The following SLCO6A1 variants were observed in gnomAD, a reference collection of about 807,000 sequenced individuals.
SLCO6A1 encodes solute carrier organic anion transporter family member 6A1.
A neutral mutation model predicts 72.7 loss-of-function variants in SLCO6A1; 65 were observed. The ratio of observed to expected loss-of-function variants is 0.89; its 90% CI spans 0.73 to 1.10. The LOEUF (loss-of-function observed/expected upper bound fraction) is 1.10. SLCO6A1 is among the 50% of genes least tolerant of loss of function. The probability of loss-of-function intolerance (pLI) is 0.00; values close to 1 mark genes in which losing one functional copy is unlikely to be tolerated. For missense variants in SLCO6A1, 874 were observed against 872.6 expected (o/e 1.00, Z -0.02); for synonymous variants, 314 against 298.2 (o/e 1.05, Z -0.55).
intron 6 of SLCO6A1, among the ~76,000 whole-genome samples, chr5:102,451,807 T>C (rs1161746188): frequency 6.6e-6 from 1 of 152,194 alleles, no homozygotes; most frequent in Non-Finnish European, 1.5e-5. Context: ...GATAAGCTAG[T>C]GTTTACTTGC....
At chr5:102,389,840 C>T (rs1746649119) in intron 11 of SLCO6A1, among the ~76,000 whole-genome samples, 1 of 95,440 alleles carries the variant, frequency 1.0e-5, no homozygotes, top group South Asian at 3.2e-4. Flanking sequence ...TTTTCCTCCA[C>T]ATTTATCTCC....
chr5:102,474,374 G>A (rs897245201), intron 4 of SLCO6A1, among the ~76,000 whole-genome samples: 18 of 152,010 alleles, frequency 1.2e-4, no homozygotes, highest in African/African-American at 4.1e-4. Context: ...ATATCCACAT[G>A]CAAAAGAATG....
chr5:102,433,886 C>T (rs997973839), intron 7 of SLCO6A1, among the ~76,000 whole-genome samples: 8 of 151,912 alleles, frequency 5.3e-5, no homozygotes, highest in South Asian at 2.1e-4. Flanking sequence ...TTTGAGTTGT[C>T]GTAGTTCTTG....
intron 6 of SLCO6A1, among the ~76,000 whole-genome samples, chr5:102,458,174 C>G (rs1363541993): frequency 6.6e-6 from 1 of 151,864 alleles, no homozygotes; most frequent in East Asian, 1.9e-4. Flanking sequence ...CTGGGTTCAG[C>G]ACACCAACAT....
intron 6 of SLCO6A1, among the ~76,000 whole-genome samples, chr5:102,456,617 G>A (rs1163680184): frequency 6.6e-6 from 1 of 152,166 alleles, no homozygotes; most frequent in African/African-American, 2.4e-5. Context: ...ACAAACAAAT[G>A]GAAGAACATT....
At chr5:102,474,630 A>C (rs1272962063) in intron 4 of SLCO6A1, among the ~76,000 whole-genome samples, 1 of 152,136 alleles carries the variant, frequency 6.6e-6, no homozygotes, top group Non-Finnish European at 1.5e-5. Context: ...GGCGAAGTGA[A>C]AAGGCAACCT....
intron 2 of SLCO6A1, among the ~76,000 whole-genome samples, 185 bp from the exon 3 acceptor site, chr5:102,478,046 A>G (rs1161383276): frequency 1.3e-5 from 2 of 152,148 alleles, no homozygotes; most frequent in African/African-American, 4.8e-5. Flanking sequence ...GAAAAATGCC[A>G]TCATACAATT....
intron 9 of SLCO6A1, among the ~76,000 whole-genome samples, chr5:102,406,029 A>G (rs1038854988): frequency 2.0e-5 from 3 of 152,094 alleles, no homozygotes; most frequent in Non-Finnish European, 4.4e-5. Flanking sequence ...TTAAAAATCA[A>G]TTCAAAGAGA....
chr5:102,484,290 G>A (rs1561499330), intron 1 of SLCO6A1, among the ~76,000 whole-genome samples: 1 of 152,098 alleles, frequency 6.6e-6, no homozygotes, highest in Middle Eastern at 3.2e-3. Flanking sequence ...CCATCTTTGA[G>A]GGTTCGTTAG....
intron 4 of SLCO6A1, among the ~76,000 whole-genome samples, chr5:102,470,339 C>T (rs189749862): frequency 6.0e-4 from 92 of 152,190 alleles, no homozygotes; most frequent in African/African-American, 2.2e-3. Flanking sequence ...ATTTCAGAAC[C>T]TGTTATTGGT....
At chr5:102,378,766 G>A (rs1745948619) in intron 12 of SLCO6A1, among the ~76,000 whole-genome samples, 1 of 151,856 alleles carries the variant, frequency 6.6e-6, no homozygotes, top group African/African-American at 2.4e-5. Context: ...CCATTCTATT[G>A]TTGTTTTTGT....
Position 102,420,026 on chromosome 5 carries a change from A to G in SLCO6A1, c.1277-5T>C. The stretch of plus-strand genomic sequence containing the variant: ...CTCCTGGAATTAAAACAAGTCCTAA[A>G]AAAAAGGAGGAGAAAAACACAGTTA... On this transcript the variant is annotated splice_polypyrimidine_tract_variant and splice_region_variant and intron_variant, in intron 7 of 13. Coordinates refer to ENST00000506729, the MANE Select transcript of SLCO6A1 (RefSeq NM_173488.5). The G allele has an allele frequency of 6.4e-7, 1 of 1,562,490 alleles. No individual in the cohort carries two copies. Among genetic ancestry groups the G allele is most frequent in the Non-Finnish European group, 8.6e-7 (1 of 1,163,436 alleles).
rs113283881 is a variant in SLCO6A1 at position 102,476,091 on chromosome 5, C to T, written c.803-298G>A. The stretch of plus-strand genomic sequence containing the variant: ...GAGGTGGGTGAGGGATAAAAGACTG[C>T]ACATTGGGTATAGCGTACACTGCTT... On this transcript the variant is annotated intron_variant, in intron 3 of 13. Transcript: ENST00000506729. 2.1e-3 allele frequency among the ~76,000 whole-genome samples: 318 copies of T among 152,102 alleles called. 3 individuals carry two copies. The highest frequency in any genetic ancestry group is 7.3e-3 in the African/African-American group (302 of 41,504).
At chr5:102,377,278 G>C (rs911288967) in intron 12 of SLCO6A1, among the ~76,000 whole-genome samples, 1 of 152,126 alleles carries the variant, frequency 6.6e-6, no homozygotes, top group African/African-American at 2.4e-5. Flanking sequence ...AATTGAAATA[G>C]TACTTAGTAC....
chr5:102,378,141 C>G (rs1172345202), intron 12 of SLCO6A1, among the ~76,000 whole-genome samples: 1 of 151,374 alleles, frequency 6.6e-6, no homozygotes, highest in Non-Finnish European at 1.5e-5. Flanking sequence ...TAGTGATTTG[C>G]AAAGTAATTT....
At chr5:102,386,754 C>T (rs1403442965) in intron 12 of SLCO6A1, among the ~76,000 whole-genome samples, 1 of 152,158 alleles carries the variant, frequency 6.6e-6, no homozygotes, top group African/African-American at 2.4e-5. Context: ...CCTGTAGTTG[C>T]AGCAGGCCTG....
At chr5:102,408,435 A>G (rs1157735924) in intron 9 of SLCO6A1, among the ~76,000 whole-genome samples, 1 of 152,170 alleles carries the variant, frequency 6.6e-6, no homozygotes, top group Non-Finnish European at 1.5e-5. Context: ...ATAGACCTGA[A>G]TCCACAGACT....
chr5:102,410,330 C>A (rs1242102163), intron 9 of SLCO6A1, among the ~76,000 whole-genome samples: 1 of 152,114 alleles, frequency 6.6e-6, no homozygotes, highest in African/African-American at 2.4e-5. Context: ...TTGCTCCATC[C>A]TCTCCTCTGC....
chr5:102,407,691 T>C (rs1747746355), intron 9 of SLCO6A1, among the ~76,000 whole-genome samples: 1 of 152,228 alleles, frequency 6.6e-6, no homozygotes, highest in African/African-American at 2.4e-5. Context: ...GGAGATTCTC[T>C]GTTGCTGACA....
Sources: gnomAD v4.1 joint callset for allele counts (sites outside exome capture counted in the v4.1 genomes callset) on GRCh38, gnomAD v4.1.1 for gene constraint, MANE v1.5 for transcripts, NCBI Gene and HGNC (gene_info 2026-07-23, HGNC 2026-07-21) for gene names.